Variants in INPP4B observed in about 807,000 individuals in gnomAD.
The protein encoded by INPP4B is inositol polyphosphate 4-phosphatase type II.
A neutral mutation model predicts 122.5 loss-of-function variants in INPP4B; 55 were observed. The observed-to-expected ratio is 0.45, with a 90% CI of 0.36 to 0.56. The LOEUF (loss-of-function observed/expected upper bound fraction) is 0.56, where lower values mean the gene tolerates loss of function less well. Among genes scored for constraint, INPP4B ranks in the 20% least tolerant of loss-of-function variants. The probability of loss-of-function intolerance (pLI) is 0.00; values close to 1 mark genes in which losing one functional copy is unlikely to be tolerated. For synonymous variants in INPP4B, 403 were observed against 388.7 expected, an observed-to-expected ratio of 1.04 and a Z score of -0.43; for missense variants, 1,000 against 1,097.7, an observed-to-expected ratio of 0.91 and a Z score of 1.26.
chr4:142,293,134 G>A (rs1038707103), intron 9 of INPP4B, among the ~76,000 whole-genome samples: 1 of 151,264 alleles, frequency 6.6e-6, no homozygotes, highest in Non-Finnish European at 1.5e-5. Flanking sequence ...CACTTCCTGG[G>A]TTCAAGAGAG....
intron 1 of INPP4B, among the ~76,000 whole-genome samples, chr4:142,827,297 C>T (rs1374175783): frequency 1.3e-5 from 2 of 152,182 alleles, no homozygotes; most frequent in African/African-American, 4.8e-5. Context: ...TCTACATATT[C>T]TAGTGTTGTA....
At chr4:142,199,318 A>G (rs1839711769) in intron 14 of INPP4B, among the ~76,000 whole-genome samples, 1 of 152,042 alleles carries the variant, frequency 6.6e-6, no homozygotes, top group Admixed American at 6.6e-5. Context: ...CACTGTCAAT[A>G]AAAACATTAG....
At chr4:142,516,901 T>G (rs764819976) in intron 2 of INPP4B, among the ~76,000 whole-genome samples, 162 of 152,182 alleles carry the variant, frequency 1.1e-3, no homozygotes, top group African/African-American at 3.8e-3. Context: ...CACCCAGAGA[T>G]AGCAACAGCT....
At chr4:142,160,659 G>A (rs750293833) in intron 16 of INPP4B, 98 bp from the exon 17 acceptor site, 77 of 770,186 alleles carry the variant, frequency 1.0e-4, no homozygotes, top group Non-Finnish European at 1.4e-4. Flanking sequence ...CTTAAGTGGT[G>A]TGTATGGTGG....
chr4:142,189,414 C>T (rs1465414892), intron 15 of INPP4B, among the ~76,000 whole-genome samples: 1 of 152,080 alleles, frequency 6.6e-6, no homozygotes, highest in Non-Finnish European at 1.5e-5. Context: ...ACAAGGTGCT[C>T]CATCTCTTAT....
intron 2 of INPP4B, among the ~76,000 whole-genome samples, chr4:142,488,504 G>A (rs1368425279): frequency 6.6e-6 from 1 of 151,992 alleles, no homozygotes; most frequent in Non-Finnish European, 1.5e-5. Context: ...AAGCCCTGTT[G>A]ACCTGGAGTT....
At chr4:142,459,820 G>T (rs913294358) in intron 3 of INPP4B, among the ~76,000 whole-genome samples, 2 of 152,270 alleles carry the variant, frequency 1.3e-5, no homozygotes, top group Admixed American at 1.3e-4. Context: ...AAGCTTAGCA[G>T]CATGCAAAGT....
chr4:142,734,982 G>T (rs1455175422), intron 1 of INPP4B, among the ~76,000 whole-genome samples: 2 of 152,108 alleles, frequency 1.3e-5, no homozygotes, highest in Non-Finnish European at 2.9e-5. Context: ...AGGTAATCAA[G>T]AAGAAATAAA....
chr4:142,605,245 T>A (rs1740989207), intron 2 of INPP4B, among the ~76,000 whole-genome samples: 1 of 152,088 alleles, frequency 6.6e-6, no homozygotes, highest in Non-Finnish European at 1.5e-5. Flanking sequence ...TCTCACCATA[T>A]ACAAAAGTCA....
chr4:142,067,676 C>T (rs113725538), intron 25 of INPP4B, among the ~76,000 whole-genome samples: 3,636 of 151,844 alleles, frequency 0.024, 58 homozygotes, highest in East Asian at 0.058. Flanking sequence ...GAGAAGTACG[C>T]GACACATGCA....
chr4:142,524,518 T>C (rs1045133649), intron 2 of INPP4B, among the ~76,000 whole-genome samples: 3 of 152,122 alleles, frequency 2.0e-5, no homozygotes, highest in African/African-American at 7.2e-5. Context: ...GTTTTTTTCT[T>C]GTAAATTTGT....
rs1477418411 is a variant in INPP4B at position 142,023,777 on chromosome 4, T to G, written c.*5005A>C. On this transcript the variant is annotated 3_prime_UTR_variant, in exon 26 of 26. Transcript: ENST00000262992. Reference sequence around the variant, plus strand: ...TGTATTTACTAAAATATATTTTTTTTGGCAAGATGTGATTTATCAGGCAAC... The same window carrying G: ...TGTATTTACTAAAATATATTTTTTTGGGCAAGATGTGATTTATCAGGCAAC... The G allele has an allele frequency of 6.6e-6, 1 of 152,176 alleles. No individual in the cohort carries two copies. Among genetic ancestry groups the G allele is most frequent in the Non-Finnish European group, 1.5e-5 (1 of 67,992 alleles). The allele number at this position is 152,176 out of a possible 1,614,324, so 9.4% of individuals were successfully genotyped here. A position where few individuals can be genotyped will look rare whatever the true frequency, so the allele number is the denominator to read the frequency against.
intron 1 of INPP4B, among the ~76,000 whole-genome samples, chr4:142,816,592 C>G (rs1211566534): frequency 2.0e-5 from 3 of 151,898 alleles, no homozygotes; most frequent in Non-Finnish European, 4.4e-5. Context: ...TCCCATGGTG[C>G]CTAACTTCTT....
chr4:142,468,521 C>T (rs892589836), intron 2 of INPP4B, among the ~76,000 whole-genome samples: 1 of 152,144 alleles, frequency 6.6e-6, no homozygotes. Flanking sequence ...ATGGGAGGTG[C>T]CTTAGTCATG....
chr4:142,544,393 T>C (rs1471989818), intron 2 of INPP4B, among the ~76,000 whole-genome samples: 1 of 151,900 alleles, frequency 6.6e-6, no homozygotes. Context: ...GGAAAGAGCA[T>C]GGAAAGAGAC....
intron 2 of INPP4B, among the ~76,000 whole-genome samples, chr4:142,703,170 C>A (rs909807599): frequency 1.3e-5 from 2 of 152,156 alleles, no homozygotes; most frequent in Admixed American, 6.5e-5. Context: ...TCTTTCAAGG[C>A]CATTTTTATC....
chr4:142,667,540 T>A (rs1756312065), intron 2 of INPP4B, among the ~76,000 whole-genome samples: 1 of 152,160 alleles, frequency 6.6e-6, no homozygotes, highest in Non-Finnish European at 1.5e-5. Context: ...ACAAATTGCA[T>A]AGAAAAATGA....
At chr4:142,695,535 A>G (rs746886554) in intron 2 of INPP4B, among the ~76,000 whole-genome samples, 8 of 152,210 alleles carry the variant, frequency 5.3e-5, no homozygotes, top group Non-Finnish European at 1.2e-4. Context: ...TCACTTCCCT[A>G]ATATAATTAT....
At chr4:142,720,826 T>C (rs1405190180) in intron 2 of INPP4B, among the ~76,000 whole-genome samples, 1 of 111,596 alleles carries the variant, frequency 9.0e-6, no homozygotes, top group African/African-American at 3.3e-5. Flanking sequence ...TATATATATA[T>C]ATAGTTTTCT....
Sources: allele counts gnomAD v4.1 joint callset (sites outside exome capture counted in the v4.1 genomes callset), GRCh38; gene constraint gnomAD v4.1.1; transcripts MANE v1.5; gene names NCBI Gene and HGNC (gene_info 2026-07-23, HGNC 2026-07-21).